Variants in LAMA2 observed in about 807,000 individuals in gnomAD.
LAMA2 encodes laminin subunit alpha-2.
A neutral mutation model predicts 364.8 loss-of-function variants in LAMA2; 269 were observed. The observed-to-expected ratio is 0.74, with a 90% CI of 0.67 to 0.82. LAMA2 has a LOEUF of 0.82. Among genes scored for constraint, LAMA2 ranks in the 40% least tolerant of loss-of-function variants. The pLI is 0.00. For synonymous variants in LAMA2, 1,379 were observed against 1,370.6 expected (o/e 1.01, Z -0.14); for missense variants, 3,807 against 3,873.2 (o/e 0.98, Z 0.45).
At chr6:128,916,658 T>C (rs1313299909) in intron 1 of LAMA2, among the ~76,000 whole-genome samples, 2 of 152,226 alleles carry the variant, frequency 1.3e-5, no homozygotes, top group East Asian at 3.8e-4. Flanking sequence ...TATGCAGTGG[T>C]GTTTCTCAGT....
intron 1 of LAMA2, among the ~76,000 whole-genome samples, chr6:128,899,869 T>C (rs926718592): frequency 2.0e-5 from 3 of 152,172 alleles, no homozygotes; most frequent in Non-Finnish European, 4.4e-5. Context: ...AGTCAGAACT[T>C]TTCTGGATGG....
chr6:129,230,267 T>C (rs1331934885), intron 12 of LAMA2, among the ~76,000 whole-genome samples: 1 of 152,166 alleles, frequency 6.6e-6, no homozygotes, highest in African/African-American at 2.4e-5. Context: ...ATACTGTTGA[T>C]GGGCCAAATA....
At chr6:129,196,524 T>G (rs1412857793) in intron 12 of LAMA2, among the ~76,000 whole-genome samples, 1 of 152,190 alleles carries the variant, frequency 6.6e-6, no homozygotes, top group Admixed American at 6.5e-5. Flanking sequence ...TCTGTCTTGC[T>G]TTACAAAATA....
intron 40 of LAMA2, among the ~76,000 whole-genome samples, chr6:129,412,565 A>G (rs2114713529): frequency 6.6e-6 from 1 of 152,296 alleles, no homozygotes; most frequent in Non-Finnish European, 1.5e-5. Flanking sequence ...ACAAAAAAAG[A>G]GAAAAAGAGA....
At chr6:129,472,261 C>A (rs1020985249) in intron 51 of LAMA2, among the ~76,000 whole-genome samples, 10 of 151,928 alleles carry the variant, frequency 6.6e-5, no homozygotes, top group African/African-American at 2.4e-4. Context: ...GGTTCAAATG[C>A]CCATTTTCAA....
rs565247835 is a variant in LAMA2 at position 129,310,400 on chromosome 6, A to T, written c.3175-2461A>T. 5.3e-5 allele frequency among the ~76,000 whole-genome samples: 8 copies of T among 152,330 alleles called. No individual in the cohort carries two copies. In the South Asian group the frequency reaches 1.4e-3, roughly 28 times the overall value. On this transcript the variant is annotated intron_variant, in intron 22 of 64. Coordinates refer to ENST00000421865, the MANE Select transcript of LAMA2 (RefSeq NM_000426.4). ...GGGAAAGTGTGAGATACACAGTGAG[A>T]TGCAGCCAGACTTGGATCTAGGAGT...
chr6:129,192,878 A>G (rs1781614438), intron 12 of LAMA2, 25 bp downstream of exon 12: 3 of 1,608,804 alleles, frequency 1.9e-6, no homozygotes, highest in South Asian at 1.1e-5. Flanking sequence ...GCTTCCCGCT[A>G]TTCTGCTTTA....
At chr6:129,066,774 A>G (rs1344744545) in intron 3 of LAMA2, among the ~76,000 whole-genome samples, 1 of 152,228 alleles carries the variant, frequency 6.6e-6, no homozygotes, top group Non-Finnish European at 1.5e-5. Context: ...AAATCTAAGC[A>G]TTTATGGTCA....
chr6:129,135,976 A>T (rs1186608744), intron 4 of LAMA2, among the ~76,000 whole-genome samples: 3 of 152,196 alleles, frequency 2.0e-5, no homozygotes, highest in African/African-American at 7.2e-5. Flanking sequence ...AATTATTTGA[A>T]AGCATTTAAA....
intron 12 of LAMA2, among the ~76,000 whole-genome samples, chr6:129,215,811 C>T (rs1388501124): frequency 6.6e-6 from 1 of 152,032 alleles, no homozygotes; most frequent in Non-Finnish European, 1.5e-5. Context: ...AATTCTTAAC[C>T]CCCTTGCTTT....
At chr6:129,357,418 G>A (rs1777208430) in intron 32 of LAMA2, among the ~76,000 whole-genome samples, 1 of 151,820 alleles carries the variant, frequency 6.6e-6, no homozygotes, top group African/African-American at 2.4e-5. Context: ...ATATCAAATT[G>A]GTGTTGCCTA....
intron 28 of LAMA2, among the ~76,000 whole-genome samples, chr6:129,325,609 G>C (rs1775231810): frequency 6.7e-6 from 1 of 149,538 alleles, no homozygotes; most frequent in Non-Finnish European, 1.5e-5. Context: ...TCTCTCTTTT[G>C]CTACCTCATA....
intron 55 of LAMA2, among the ~76,000 whole-genome samples, chr6:129,482,086 G>A (rs776492412): frequency 1.4e-4 from 22 of 152,060 alleles, no homozygotes; most frequent in Non-Finnish European, 2.8e-4. Context: ...CAGGAGGATC[G>A]TTTGAGCCCA....
At position 129,144,285 on chromosome 6, in the gene LAMA2, C is replaced by T. The variant is rs58858833; in HGVS notation, c.819+205C>T. Among the ~76,000 whole-genome samples the T allele has an allele frequency of 0.086, 13,114 of 151,948 alleles. 659 individuals carry two copies. The highest frequency in any genetic ancestry group is 0.14 in the African/African-American group (5,966 of 41,424). The stretch of plus-strand genomic sequence containing the variant: ...CAGATCCAAGCTGTGCCGCTTATTA[C>T]ATGTGTAACATTTATCAAACATTTT... On this transcript the variant is annotated intron_variant, in intron 5 of 64. Transcript: ENST00000421865.
chr6:129,465,322 C>A (rs1314640278), intron 51 of LAMA2, 33 bp downstream of exon 51: 1 of 1,559,000 alleles, frequency 6.4e-7, no homozygotes. Flanking sequence ...CAATATAGGC[C>A]TTAATCATGA....
At chr6:129,367,024 T>TA (rs1262207603) in intron 33 of LAMA2, among the ~76,000 whole-genome samples, 1 of 152,200 alleles carries the variant, frequency 6.6e-6, no homozygotes, top group Non-Finnish European at 1.5e-5. Flanking sequence ...CAGAAATGCT[T>TA]ACATTAATAT....
At chr6:129,011,955 AAAG>A in intron 1 of LAMA2, among the ~76,000 whole-genome samples, 1 of 152,290 alleles carries the variant, frequency 6.6e-6, no homozygotes, top group Non-Finnish European at 1.5e-5. Flanking sequence ...GTTGTTAAAT[AAAG>A]AAAATGTATT....
At chr6:128,975,684 C>T (rs112151165) in intron 1 of LAMA2, among the ~76,000 whole-genome samples, 16 of 152,238 alleles carry the variant, frequency 1.1e-4, no homozygotes, top group East Asian at 7.7e-4. Flanking sequence ...ATAAGTCTCA[C>T]GAGATCTGAT....
At chr6:129,085,539 A>T (rs928009615) in intron 3 of LAMA2, among the ~76,000 whole-genome samples, 9 of 152,138 alleles carry the variant, frequency 5.9e-5, no homozygotes, top group African/African-American at 1.9e-4. Context: ...ACATGTTTTT[A>T]AAAAAGGACT....
Sources: gnomAD v4.1 joint callset for allele counts (sites outside exome capture counted in the v4.1 genomes callset) on GRCh38, gnomAD v4.1.1 for gene constraint, MANE v1.5 for transcripts, NCBI Gene and HGNC (gene_info 2026-07-23, HGNC 2026-07-21) for gene names.